Variants in ARHGAP15 observed in about 807,000 individuals in gnomAD.
The protein encoded by ARHGAP15 is rho GTPase-activating protein 15.
In ARHGAP15, 51 loss-of-function variants were observed where a neutral mutation model predicts 63.7. The ratio of observed to expected loss-of-function variants is 0.80; its 90% CI spans 0.64 to 1.01. The LOEUF is 1.01. Among genes scored for constraint, ARHGAP15 ranks in the 50% least tolerant of loss-of-function variants. The pLI, the probability that ARHGAP15 is intolerant of heterozygous loss-of-function variation, is 0.00. For synonymous variants in ARHGAP15, 191 were observed against 193.8 expected, an observed-to-expected ratio of 0.99 and a Z score of 0.12; for missense variants, 560 against 564.6, an observed-to-expected ratio of 0.99 and a Z score of 0.08.
At chr2:143,668,475 T>C (rs1442752276) in intron 12 of ARHGAP15, among the ~76,000 whole-genome samples, 2 of 152,214 alleles carry the variant, frequency 1.3e-5, no homozygotes, top group African/African-American at 4.8e-5. Flanking sequence ...TACCCATGTA[T>C]GCAGATCCAG....
intron 2 of ARHGAP15, among the ~76,000 whole-genome samples, chr2:143,182,162 C>T (rs1691261731): frequency 6.6e-6 from 1 of 152,044 alleles, no homozygotes; most frequent in African/African-American, 2.4e-5. Flanking sequence ...GGGGTTTTGC[C>T]ATGTTGGCCA....
intron 10 of ARHGAP15, among the ~76,000 whole-genome samples, chr2:143,535,992 T>C (rs1010602976): frequency 1.3e-5 from 2 of 152,204 alleles, no homozygotes; most frequent in Non-Finnish European, 2.9e-5. Context: ...TATATAGATA[T>C]TGTGTAATAG....
chr2:143,483,249 C>T (rs1344230944), intron 8 of ARHGAP15, among the ~76,000 whole-genome samples: 1 of 152,026 alleles, frequency 6.6e-6, no homozygotes, highest in Non-Finnish European at 1.5e-5. Flanking sequence ...ACCAGAATAC[C>T]TAGGGGAGTT....
At chr2:143,375,248 T>C (rs1206726947) in intron 6 of ARHGAP15, among the ~76,000 whole-genome samples, 1 of 152,214 alleles carries the variant, frequency 6.6e-6, no homozygotes, top group Non-Finnish European at 1.5e-5. Flanking sequence ...TACTAACATC[T>C]ATCTAGATGA....
In ARHGAP15 at chr2:143,575,379, C is replaced by T. The variant is rs561367328; in HGVS notation, c.1003+18894C>T. 4.0e-4 allele frequency among the ~76,000 whole-genome samples: 61 copies of T among 152,244 alleles called. 1 individual carries two copies. In the South Asian group the frequency reaches 0.012, roughly 30 times the overall value. On this transcript the variant is annotated intron_variant, in intron 11 of 13. Coordinates refer to ENST00000295095, the MANE Select transcript of ARHGAP15 (RefSeq NM_018460.4). ...ACTGGTGCAATAATGAAACGTCCAGCTGTCCTTTAATTAACTAAAATGAGG... is the reference window on the plus strand; with the variant it reads ...ACTGGTGCAATAATGAAACGTCCAGTTGTCCTTTAATTAACTAAAATGAGG...
intron 12 of ARHGAP15, among the ~76,000 whole-genome samples, chr2:143,658,446 A>G (rs900129264): frequency 2.0e-5 from 3 of 152,166 alleles, no homozygotes; most frequent in African/African-American, 7.2e-5. Flanking sequence ...GAGACTTCCA[A>G]TTATTCTTAT....
At chr2:143,579,851 A>G (rs1559062070) in intron 11 of ARHGAP15, among the ~76,000 whole-genome samples, 2 of 151,684 alleles carry the variant, frequency 1.3e-5, no homozygotes, top group African/African-American at 4.8e-5. Context: ...CTCCATTACC[A>G]GCACTGAAAC....
chr2:143,619,273 T>G (rs1698566046), intron 11 of ARHGAP15, among the ~76,000 whole-genome samples: 1 of 152,176 alleles, frequency 6.6e-6, no homozygotes, highest in Non-Finnish European at 1.5e-5. Context: ...TTGTAAAGCT[T>G]GATATAAATA....
At chr2:143,439,618 C>T (rs557020930) in intron 8 of ARHGAP15, among the ~76,000 whole-genome samples, 4 of 151,556 alleles carry the variant, frequency 2.6e-5, no homozygotes, top group Non-Finnish European at 5.9e-5. Context: ...ATTTAATCCT[C>T]TCACCAATCC....
chr2:143,564,895 GA>G (rs1251653164), intron 11 of ARHGAP15, among the ~76,000 whole-genome samples: 2 of 152,204 alleles, frequency 1.3e-5, no homozygotes, highest in East Asian at 3.9e-4. Context: ...ATTTGCTAAC[GA>G]AACTAAGGGG....
chr2:143,286,441 G>A (rs1339977565), intron 6 of ARHGAP15, among the ~76,000 whole-genome samples: 1 of 152,196 alleles, frequency 6.6e-6, no homozygotes, highest in African/African-American at 2.4e-5. Context: ...GTTTTTCTTT[G>A]TAATTTGACT....
intron 5 of ARHGAP15, among the ~76,000 whole-genome samples, chr2:143,232,900 A>G (rs151131700): frequency 1.3e-5 from 2 of 151,392 alleles, no homozygotes; most frequent in East Asian, 3.9e-4. Context: ...TTATCATTCC[A>G]TTTTTTTCTT....
At chr2:143,506,043 C>T (rs939905441) in intron 9 of ARHGAP15, among the ~76,000 whole-genome samples, 2 of 152,302 alleles carry the variant, frequency 1.3e-5, no homozygotes, top group Middle Eastern at 3.4e-3. Context: ...TTTACTCCAA[C>T]TAAATTTGAG....
chr2:143,589,404 C>T (rs960772024), intron 11 of ARHGAP15, among the ~76,000 whole-genome samples: 7 of 152,226 alleles, frequency 4.6e-5, no homozygotes, highest in African/African-American at 1.7e-4. Context: ...ACACAGGCAT[C>T]ACACTGTGGA....
intron 9 of ARHGAP15, among the ~76,000 whole-genome samples, chr2:143,504,529 A>G (rs1348237497): frequency 6.6e-6 from 1 of 152,244 alleles, no homozygotes; most frequent in Non-Finnish European, 1.5e-5. Flanking sequence ...CGCAATGGCC[A>G]AAGCCCCTGC....
At chr2:143,133,786 C>T (rs560593020) in intron 1 of ARHGAP15, among the ~76,000 whole-genome samples, 21 of 152,156 alleles carry the variant, frequency 1.4e-4, no homozygotes, top group Admixed American at 4.6e-4. Context: ...CTTAATCCAA[C>T]GTAACCACTT....
intron 13 of ARHGAP15, among the ~76,000 whole-genome samples, chr2:143,718,559 C>G (rs1364050237): frequency 6.6e-6 from 1 of 152,138 alleles, no homozygotes; most frequent in Non-Finnish European, 1.5e-5. Flanking sequence ...CATTATTGCC[C>G]TTGGTATAGA....
chr2:143,570,015 C>G (rs1279678051), intron 11 of ARHGAP15, among the ~76,000 whole-genome samples: 2 of 152,060 alleles, frequency 1.3e-5, no homozygotes, highest in Non-Finnish European at 2.9e-5. Flanking sequence ...ATTTAACCTC[C>G]CCAGGTCAAT....
Position 143,222,140 on chromosome 2 carries a change from A to G in ARHGAP15, c.296+5695A>G, listed in dbSNP as rs544159790. ...TTGACCCACCTTTTAGCAGTCATAA[A>G]TTACAAGATGCTTAGAATATGAGAC... On this transcript the variant is annotated intron_variant, in intron 4 of 13. Coordinates refer to ENST00000295095, the MANE Select transcript of ARHGAP15 (RefSeq NM_018460.4). Among the ~76,000 whole-genome samples, 119 of 152,364 alleles carry G rather than the reference A, an allele frequency of 7.8e-4. 1 individual carries two copies. Among genetic ancestry groups the G allele is most frequent in the African/African-American group, 2.8e-3 (117 of 41,576 alleles).
Sources: allele counts gnomAD v4.1 joint callset (sites outside exome capture counted in the v4.1 genomes callset), GRCh38; gene constraint gnomAD v4.1.1; transcripts MANE v1.5; gene names NCBI Gene and HGNC (gene_info 2026-07-23, HGNC 2026-07-21).